The following DES variants were observed in gnomAD, a reference collection of about 807,000 sequenced individuals.
DES encodes cardiomyopathy, dilated 1F (autosomal dominant).
A neutral mutation model predicts 55.1 loss-of-function variants in DES; 34 were observed. The ratio of observed to expected loss-of-function variants is 0.62; its 90% confidence interval spans 0.47 to 0.82. DES has a LOEUF of 0.82. Ranked by LOEUF, DES falls within the 40% of genes least tolerant of loss-of-function variation. DES has a pLI of 0.00. For synonymous variants in DES, 259 were observed against 270.8 expected (o/e 0.96, Z 0.43); for missense variants, 596 against 645.9 (o/e 0.92, Z 0.84).
chr2:219,425,624 G>A (rs1954521002), intron 7 of DES, 39 bp from the exon 8 acceptor site: 2 of 1,535,904 alleles, frequency 1.3e-6, no homozygotes, highest in Non-Finnish European at 1.8e-6. Flanking sequence ...GCCCAGCCTG[G>A]ACTTGGTCAG....
chr2:219,421,356 G>A lies in DES; in HGVS notation c.1040G>A (p.Arg347Lys). Residue 347 changes from arginine (R) to lysine (K), a missense_variant, in exon 6 of 9, where the codon AGG (arginine) becomes AAG (lysine). Physicochemically the swap from Arg to Lys is conservative, Grantham distance 26. Transcript: ENST00000373960. ...CTCCTGCAGAACGATTCCCTGATGA[G>A]GCAGATGCGGGAATTGGAGGACCGA... The part of the protein sequence containing the change: ...ALKGTNDSLM[R>K]QMRELEDRFA... 2 of 1,614,066 alleles carry A rather than the reference G, an allele frequency of 1.2e-6. No homozygotes were observed. Among genetic ancestry groups the A allele is most frequent in the East Asian group, 2.2e-5 (1 of 44,870 alleles).
Position 219,420,322 on chromosome 2 carries a change from G to A in DES, c.711G>A (p.Ala237=), listed in dbSNP as rs757102249. 7 of 1,613,968 alleles carry A rather than the reference G, an allele frequency of 4.3e-6. No homozygotes were observed. Among genetic ancestry groups the A allele is most frequent in the African/African-American group, 2.7e-5 (2 of 74,914 alleles). The change falls in exon 3 of 9, where the codon GCG becomes GCA. Residue 237 remains alanine (A), a synonymous_variant. Transcript: ENST00000373960. This position sits in a 1 kb window ranked among gnomAD's most constrained non-coding sequence, Gnocchi z 6.0. ...TTGAATCTCTCAACGAGGAGATCGC[G>A]TTCCTTAAGAAAGTGCATGAAGAGG... The part of the protein sequence containing the change: ...RRIESLNEEI[A]FLKKVHEEEI...
At position 219,421,492 on chromosome 2, in the gene DES, C is replaced by G. The variant is rs1553603568; in HGVS notation, c.1176C>G (p.Leu392=). 1.2e-6 allele frequency: 2 copies of G among 1,614,086 alleles called. No individual in the cohort carries two copies. The highest frequency in any genetic ancestry group is 1.7e-6 in the Non-Finnish European group (2 of 1,180,022). The change falls in exon 6 of 9, where the codon CTC becomes CTG. Residue 392 remains leucine (L), a synonymous_variant. Coordinates refer to ENST00000373960, the MANE Select transcript of DES (RefSeq NM_001927.4). The part of the protein sequence containing the change: ...ARHLREYQDL[L]NVKMALDVEI... ...ATCTGCGCGAGTACCAGGACCTGCT[C>G]AACGTGAAGATGGCCCTGGATGTGG...
chr2:219,426,224 G>A lies in DES; in HGVS notation c.*234G>A. 3.1e-6 allele frequency: 2 copies of A among 640,504 alleles called. No homozygotes were observed. Among genetic ancestry groups the A allele is most frequent in the South Asian group, 3.5e-5 (2 of 56,514 alleles). 39.7% of individuals were successfully genotyped at this position (640,504 alleles called of 1,614,324 possible). Reference sequence around the variant, plus strand: ...CGGACCCCAGCTGTGAGCCTTGGCTGTTGGCAGTGAGTGAGCCTGGCTCTT... The same window carrying A: ...CGGACCCCAGCTGTGAGCCTTGGCTATTGGCAGTGAGTGAGCCTGGCTCTT... On this transcript the variant is annotated 3_prime_UTR_variant, in exon 9 of 9. Coordinates refer to ENST00000373960, the MANE Select transcript of DES (RefSeq NM_001927.4). This position sits in a 1 kb window ranked among gnomAD's most constrained non-coding sequence, Gnocchi z 4.5.
Position 219,418,488 on chromosome 2 carries a change from A to G in DES, c.26A>G (p.Gln9Arg). Residue 9 changes from glutamine (Q) to arginine (R), a missense_variant, in exon 1 of 9, where the codon CAG becomes CGG. By Grantham distance (43) the Gln-to-Arg change is conservative (BLOSUM62 1). Coordinates refer to ENST00000373960, the MANE Select transcript of DES (RefSeq NM_001927.4). ...ATGAGCCAGGCCTACTCGTCCAGCC[A>G]GCGCGTGTCCTCCTACCGCCGCACC... MSQAYSSS[Q>R]RVSSYRRTFG... 1 of 1,600,480 alleles carries G rather than the reference A, an allele frequency of 6.2e-7. No individual in the cohort carries two copies. The highest frequency in any genetic ancestry group is 8.5e-7 in the Non-Finnish European group (1 of 1,177,068).
In DES at chr2:219,420,671, C is replaced by T. The variant is rs1227678863; in HGVS notation, c.897+15C>T. On this transcript the variant is annotated intron_variant, in intron 4 of 8. Transcript: ENST00000373960. The surrounding 1 kb of genome is among the most constrained non-coding windows in gnomAD (Gnocchi z 6.0). Reference sequence around the variant, plus strand: ...ACAAGTCGAAGGTGGGTGGCCTCGCCCGGGGACTGGCATCTCCGTCCCCCT... The same window carrying T: ...ACAAGTCGAAGGTGGGTGGCCTCGCTCGGGGACTGGCATCTCCGTCCCCCT... 1 of 1,613,918 alleles carries T rather than the reference C, an allele frequency of 6.2e-7. No individual in the cohort carries two copies. Among genetic ancestry groups the T allele is most frequent in the African/African-American group, 1.3e-5 (1 of 74,906 alleles).
At chr2:219,423,868 T>TC in intron 7 of DES, 48 bp downstream of exon 7, 2 of 1,603,118 alleles carry the variant, frequency 1.2e-6, no homozygotes, top group Non-Finnish European at 8.5e-7. Flanking sequence ...GGGCCAGGAG[T>TC]CCAGCATGGG....
rs368901105 is a variant in DES, at chr2:219,418,576, G to A, written c.114G>A (p.Ala38=). Reference sequence around the variant, plus strand: ...TGAGTTCGCCCGTGTTCCCGCGGGCGGGTTTCGGCTCTAAGGGCTCCTCCA... The same window carrying A: ...TGAGTTCGCCCGTGTTCCCGCGGGCAGGTTTCGGCTCTAAGGGCTCCTCCA... ...SPLSSPVFPR[A]GFGSKGSSSS... is the part of the protein sequence containing the mutation. Residue 38 remains alanine (A), a synonymous_variant, in exon 1 of 9, where the codon GCG becomes GCA. Coordinates refer to ENST00000373960, the MANE Select transcript of DES (RefSeq NM_001927.4). 2.7e-4 allele frequency: 430 copies of A among 1,603,724 alleles called. 2 individuals are homozygous for A. The African/African-American group carries it at 5.4e-3, about 20-fold the overall frequency.
At position 219,419,502 on chromosome 2, in the gene DES, T is replaced by A. The variant is rs1443724496; in HGVS notation, c.578+462T>A. Reference sequence around the variant, plus strand: ...GCAACAGCTCTCAGCTCAGCTGTGATGAGGCCCTGGGGGAGGTGGGGGGAG... The same window carrying A: ...GCAACAGCTCTCAGCTCAGCTGTGAAGAGGCCCTGGGGGAGGTGGGGGGAG... On this transcript the variant is annotated intron_variant, in intron 1 of 8. Coordinates refer to ENST00000373960, the MANE Select transcript of DES (RefSeq NM_001927.4). The surrounding 1 kb of genome is among the most constrained non-coding windows in gnomAD (Gnocchi z 4.3). Among the ~76,000 whole-genome samples the A allele has an allele frequency of 1.5e-5, 2 of 132,608 alleles. No individual in the cohort carries two copies. The highest frequency in any genetic ancestry group is 6.1e-5 in the African/African-American group (2 of 32,978). The allele number at this position is 132,608 out of a possible 152,430, so 87.0% of individuals were successfully genotyped here. A position where few individuals can be genotyped will look rare whatever the true frequency, so the allele number is the denominator to read the frequency against.
Position 219,419,925 on chromosome 2 carries a change from C to T in DES, c.579-170C>T, listed in dbSNP as rs929858777. On this transcript the variant is annotated intron_variant, in intron 1 of 8. Coordinates refer to ENST00000373960, the MANE Select transcript of DES (RefSeq NM_001927.4). The surrounding 1 kb of genome is among the most constrained non-coding windows in gnomAD (Gnocchi z 4.3). ...GGCAGAGATTGGGCCACTTCCTGTG[C>T]CCTCCCTGGGTGGGTGGGGCCTCTC... The T allele has an allele frequency of 8.4e-6, 6 of 710,924 alleles. No individual in the cohort carries two copies. Among genetic ancestry groups the T allele is most frequent in the African/African-American group, 1.8e-5 (1 of 57,106 alleles). The allele number at this position is 710,924 out of a possible 1,614,324, so 44.0% of individuals were successfully genotyped here.
Position 219,420,786 on chromosome 2 carries a change from C to A in DES, c.898-42C>A. On this transcript the variant is annotated intron_variant, in intron 4 of 8. Coordinates refer to ENST00000373960, the MANE Select transcript of DES (RefSeq NM_001927.4). The surrounding 1 kb of genome is among the most constrained non-coding windows in gnomAD (Gnocchi z 6.0). ...CTCCCTTGCTCATCCCTACCCGTGC[C>A]CTGCATCCTTCTCATTTTTGGGCCC... 1 of 1,613,422 alleles carries A rather than the reference C, an allele frequency of 6.2e-7. No individual in the cohort carries two copies. The highest frequency in any genetic ancestry group is 1.1e-5 in the South Asian group (1 of 91,056).
In DES at chr2:219,418,390, G is replaced by A. The variant is rs371380520; in HGVS notation, c.-73G>A. The A allele has an allele frequency of 2.1e-6, 3 of 1,446,214 alleles. No individual in the cohort carries two copies. The highest frequency in any genetic ancestry group is 2.3e-5 in the Admixed American group (1 of 44,146). 89.6% of individuals were successfully genotyped at this position (1,446,214 alleles called of 1,614,324 possible). ...GCTGGGGGCCCTGTCTCCCCTCGCC[G>A]CATCCACTCTCCGGCCGGCCGCCTG... On this transcript the variant is annotated 5_prime_UTR_variant, in exon 1 of 9. Transcript: ENST00000373960.
chr2:219,420,000 G>A lies in DES; in HGVS notation c.579-95G>A. 1 of 1,371,522 alleles carries A rather than the reference G, an allele frequency of 7.3e-7. No homozygotes were observed. The highest frequency in any genetic ancestry group is 1.0e-6 in the Non-Finnish European group (1 of 962,100). 85.0% of individuals were successfully genotyped at this position (1,371,522 alleles called of 1,614,324 possible). ...CCCAGCAGCCAGGCCCTCCCGCTCT[G>A]TCCTGGACCCACCCCCTGGTCAGCC... On this transcript the variant is annotated intron_variant, in intron 1 of 8. Transcript: ENST00000373960. The surrounding 1 kb of genome is among the most constrained non-coding windows in gnomAD (Gnocchi z 4.3).
rs73991549 is a variant in DES at position 219,425,952 on chromosome 2, G to A, written c.1375G>A (p.Val459Ile). 2,762 of 1,613,954 alleles carry A rather than the reference G, an allele frequency of 1.7e-3. 38 individuals are homozygous for A. The African/African-American group carries it at 0.031, about 18-fold the overall frequency. ...CTGGGCTTCTCTTCCTCCCCAGGTC[G>A]TCAGTGAGGCCACACAGCAGCAGCA... ...KTIETRDGEV[V>I]SEATQQQHEV... Residue 459 changes from valine (V) to isoleucine (I), a missense_variant, in exon 9 of 9, where the codon GTC (valine) becomes ATC (isoleucine). Val to Ile is a conservative substitution (Grantham distance 29). Coordinates refer to ENST00000373960, the MANE Select transcript of DES (RefSeq NM_001927.4).
chr2:219,423,441 CTT>C (rs537614128), intron 6 of DES, among the ~76,000 whole-genome samples: 30 of 133,450 alleles, frequency 2.2e-4, no homozygotes, highest in Admixed American at 2.3e-4. Context: ...TGGGAGGGTT[CTT>C]TTTTTTTTTT....
intron 6 of DES, 21 bp from the exon 7 acceptor site, chr2:219,423,756 G>A: frequency 6.2e-7 from 1 of 1,613,264 alleles, no homozygotes; most frequent in Non-Finnish European, 8.5e-7. Flanking sequence ...CTCTTAGGAG[G>A]TTTTGTCTCT....
chr2:219,420,476 G>A lies in DES; in HGVS notation c.736-19G>A, dbSNP rs745667526. ...GTGTGGGCCCTGAGAGGGGACTGAA[G>A]CCCAGTCATGCCCTACAGGAGATCC... On this transcript the variant is annotated intron_variant, in intron 3 of 8. Transcript: ENST00000373960. The surrounding 1 kb of genome is among the most constrained non-coding windows in gnomAD (Gnocchi z 6.0). 218 of 1,613,912 alleles carry A rather than the reference G, an allele frequency of 1.4e-4. No individual in the cohort carries two copies. The highest frequency in any genetic ancestry group is 3.3e-4 in the Middle Eastern group (2 of 6,062).
chr2:219,421,360 G>A lies in DES; in HGVS notation c.1044G>A (p.Gln348=). ...LKGTNDSLMR[Q]MRELEDRFAS... is the part of the protein sequence containing the mutation. ...TGCAGAACGATTCCCTGATGAGGCA[G>A]ATGCGGGAATTGGAGGACCGATTTG... The change falls in exon 6 of 9, where the codon CAG becomes CAA. Residue 348 remains glutamine (Q), a synonymous_variant. Transcript: ENST00000373960. 6.2e-7 allele frequency: 1 copy of A among 1,614,140 alleles called. No homozygotes were observed. The highest frequency in any genetic ancestry group is 8.5e-7 in the Non-Finnish European group (1 of 1,180,014).
chr2:219,418,745 G>A lies in DES; in HGVS notation c.283G>A (p.Asp95Asn). ...CGAGCTGCTGGACTTCTCACTGGCCGACGCGGTGAACCAGGAGTTTCTGAC... is the reference window on the plus strand; with the variant it reads ...CGAGCTGCTGGACTTCTCACTGGCCAACGCGGTGAACCAGGAGTTTCTGAC... Reference protein sequence around the residue: ...AGELLDFSLADAVNQEFLTTR... With the variant: ...AGELLDFSLANAVNQEFLTTR... Residue 95 changes from aspartate (D) to asparagine (N), a missense_variant, in exon 1 of 9, where the codon GAC becomes AAC. Coordinates refer to ENST00000373960, the MANE Select transcript of DES (RefSeq NM_001927.4). The A allele has an allele frequency of 1.3e-6, 2 of 1,561,728 alleles. No homozygotes were observed. Among genetic ancestry groups the A allele is most frequent in the Non-Finnish European group, 1.7e-6 (2 of 1,152,392 alleles).
Sources: allele counts gnomAD v4.1 joint callset (sites outside exome capture counted in the v4.1 genomes callset), GRCh38; gene constraint gnomAD v4.1.1; non-coding constraint Gnocchi (gnomAD v3.1); transcripts MANE v1.5; gene names NCBI Gene and HGNC (gene_info 2026-07-23, HGNC 2026-07-21).